Variants in SLC24A2 observed in about 807,000 individuals in gnomAD.
SLC24A2 encodes the protein sodium/potassium/calcium exchanger 2.
A neutral mutation model predicts 62.0 loss-of-function variants in SLC24A2; 36 were observed. The observed-to-expected ratio is 0.58, with a 90% CI of 0.44 to 0.77. SLC24A2 has a LOEUF of 0.77. Ranked by LOEUF, SLC24A2 falls within the 30% of genes least tolerant of loss-of-function variation. The pLI is 0.00. For synonymous variants in SLC24A2, 358 were observed against 294.0 expected (o/e 1.22, Z -2.23); for missense variants, 846 against 817.9 (o/e 1.03, Z -0.42).
chr9:19,560,370 C>T (rs1835330303), intron 7 of SLC24A2, among the ~76,000 whole-genome samples: 1 of 147,440 alleles, frequency 6.8e-6, no homozygotes, highest in Non-Finnish European at 1.5e-5. Context: ...GATGAGGCCT[C>T]TAATGAAGTG....
At chr9:20,063,700 T>A in the SLC24A2 span, among the ~76,000 whole-genome samples, 1 of 151,882 alleles carries the variant, frequency 6.6e-6, no homozygotes, top group Non-Finnish European at 1.5e-5. Flanking sequence ...CTCATAAAGC[T>A]CAATAGTAGA....
the SLC24A2 span, among the ~76,000 whole-genome samples, chr9:20,306,925 T>C: frequency 6.6e-6 from 1 of 152,184 alleles, no homozygotes; most frequent in Non-Finnish European, 1.5e-5. Context: ...CTCAAACTCC[T>C]GACCTCAAGT....
the SLC24A2 span, among the ~76,000 whole-genome samples, chr9:20,113,714 T>G: frequency 6.6e-6 from 1 of 152,166 alleles, no homozygotes; most frequent in Non-Finnish European, 1.5e-5. Context: ...TTAAACAGCA[T>G]ATATATACTC....
At chr9:19,809,587 A>T in the SLC24A2 span, among the ~76,000 whole-genome samples, 2 of 152,106 alleles carry the variant, frequency 1.3e-5, no homozygotes, top group Admixed American at 6.5e-5. Flanking sequence ...TGTGCCAATC[A>T]TGTTCAAGAT....
the SLC24A2 span, among the ~76,000 whole-genome samples, chr9:20,279,820 G>A: frequency 6.6e-6 from 1 of 152,174 alleles, no homozygotes; most frequent in Admixed American, 6.5e-5. Flanking sequence ...CCTTCCGGTG[G>A]TTTGCATGGC....
chr9:19,559,618 C>G (rs749879312), intron 7 of SLC24A2, among the ~76,000 whole-genome samples: 6 of 152,154 alleles, frequency 3.9e-5, no homozygotes, highest in African/African-American at 7.2e-5. Context: ...CACTTTGAAA[C>G]AGGGAAACGC....
intron 2 of SLC24A2, among the ~76,000 whole-genome samples, chr9:19,728,089 G>A (rs1056615114): frequency 6.6e-6 from 1 of 152,104 alleles, no homozygotes; most frequent in African/African-American, 2.4e-5. Flanking sequence ...TGTCGGCTGT[G>A]GAGGCCATGA....
intron 2 of SLC24A2, among the ~76,000 whole-genome samples, chr9:19,728,039 T>C (rs976584087): frequency 3.9e-5 from 6 of 152,124 alleles, no homozygotes; most frequent in Non-Finnish European, 7.4e-5. Flanking sequence ...TTCCACTGCT[T>C]GCCAGGTAAG....
intron 2 of SLC24A2, among the ~76,000 whole-genome samples, chr9:19,719,231 G>T (rs1232646275): frequency 6.6e-6 from 1 of 152,126 alleles, no homozygotes; most frequent in African/African-American, 2.4e-5. Context: ...CTTTGGGTAG[G>T]AGCATCTCAT....
chr9:19,963,621 C>T, the SLC24A2 span, among the ~76,000 whole-genome samples: 1 of 152,306 alleles, frequency 6.6e-6, no homozygotes, highest in East Asian at 1.9e-4. Context: ...TGAAAAAATG[C>T]TCACCATCAC....
chr9:19,603,773 A>G (rs1836909438), intron 4 of SLC24A2, among the ~76,000 whole-genome samples: 1 of 152,164 alleles, frequency 6.6e-6, no homozygotes, highest in Non-Finnish European at 1.5e-5. Flanking sequence ...CTAAACACAA[A>G]GTGAAACTAT....
the SLC24A2 span, among the ~76,000 whole-genome samples, chr9:20,200,751 T>C: frequency 1.3e-5 from 2 of 152,344 alleles, no homozygotes; most frequent in African/African-American, 4.8e-5. Flanking sequence ...CATTTGGCAT[T>C]GACTTCAGAG....
the SLC24A2 span, among the ~76,000 whole-genome samples, chr9:20,173,114 A>G: frequency 6.6e-6 from 1 of 152,064 alleles, no homozygotes; most frequent in African/African-American, 2.4e-5. Context: ...CAGAAAAAAC[A>G]TTTGACAAAA....
chr9:19,753,154 T>C (rs1297229668), intron 2 of SLC24A2, among the ~76,000 whole-genome samples: 1 of 152,196 alleles, frequency 6.6e-6, no homozygotes, highest in Non-Finnish European at 1.5e-5. Flanking sequence ...AGGCACCGTT[T>C]GAAGTCCCCA....
At chr9:19,961,718 G>C in the SLC24A2 span, among the ~76,000 whole-genome samples, 1 of 152,220 alleles carries the variant, frequency 6.6e-6, no homozygotes, top group African/African-American at 2.4e-5. Context: ...GTATGACTTA[G>C]AGACTATGTC....
At chr9:20,138,253 G>T in the SLC24A2 span, among the ~76,000 whole-genome samples, 1 of 152,110 alleles carries the variant, frequency 6.6e-6, no homozygotes, top group Non-Finnish European at 1.5e-5. Flanking sequence ...TCCAAATAAT[G>T]CAGGCTCAAT....
the SLC24A2 span, among the ~76,000 whole-genome samples, chr9:20,106,459 G>A: frequency 6.6e-6 from 1 of 152,138 alleles, no homozygotes; most frequent in East Asian, 1.9e-4. Flanking sequence ...ATAAAATACT[G>A]GCAAACCGAA....
chr9:19,520,866 A>G (rs1011778359), intron 10 of SLC24A2, 28 bp downstream of exon 10: 1 of 1,610,814 alleles, frequency 6.2e-7, no homozygotes, highest in Non-Finnish European at 8.5e-7. Context: ...GAGCTGGTGC[A>G]CACCTTTGTA....
At chr9:19,625,288 A>C (rs150516366) in intron 2 of SLC24A2, among the ~76,000 whole-genome samples, 76 of 152,278 alleles carry the variant, frequency 5.0e-4, no homozygotes, top group Non-Finnish European at 9.0e-4. Flanking sequence ...TGGCTTAACA[A>C]ATTCCTATAA....
Sources: gnomAD v4.1 joint callset for allele counts (sites outside exome capture counted in the v4.1 genomes callset) on GRCh38, gnomAD v4.1.1 for gene constraint, MANE v1.5 for transcripts, NCBI Gene and HGNC (gene_info 2026-07-23, HGNC 2026-07-21) for gene names.